GABRR3: variants seen among roughly 807,000 people sequenced by gnomAD.
GABRR3 encodes gamma-aminobutyric acid receptor subunit rho-3.
Under a neutral mutation model 43.2 loss-of-function variants are expected in GABRR3, and 29 were observed. The ratio of observed to expected loss-of-function variants is 0.67; its 90% confidence interval spans 0.50 to 0.92. The LOEUF is 0.92. Ranked by LOEUF, GABRR3 falls within the 40% of genes least tolerant of loss-of-function variation. GABRR3 has a pLI of 0.00. For synonymous variants in GABRR3, 206 were observed against 195.9 expected (o/e 1.05, Z -0.43); for missense variants, 576 against 572.3 (o/e 1.01, Z -0.07).
At chr3:98,001,463 A>T (rs367784174) in intron 8 of GABRR3, 152 bp downstream of exon 8, 1 of 752,182 alleles carries the variant, frequency 1.3e-6, no homozygotes, top group Non-Finnish European at 2.1e-6. Context: ...GCCCTTGAGG[A>T]TGTCAAGATC....
At position 98,023,331 on chromosome 3, in the gene GABRR3, G is replaced by C. The variant is rs993464157; in HGVS notation, c.238+2236C>G. On this transcript the variant is annotated intron_variant, in intron 3 of 9. Coordinates refer to ENST00000621172, the Ensembl canonical transcript of GABRR3. ...GAGAAATCTAACCTGACATGAATTA[G>C]GGCAGGTTTTTGAATTCGTGTTGAA... Among the ~76,000 whole-genome samples the C allele has an allele frequency of 5.9e-5, 9 of 152,138 alleles. No individual in the cohort carries two copies. In the South Asian group the frequency reaches 1.9e-3, roughly 32 times the overall value.
intron 3 of GABRR3, among the ~76,000 whole-genome samples, chr3:98,020,607 A>G (rs1339434037): frequency 6.6e-6 from 1 of 152,100 alleles, no homozygotes; most frequent in African/African-American, 2.4e-5. Context: ...GCCTGGGGAC[A>G]GTCTTGTAAA....
chr3:98,025,479 A>T, intron 3 of GABRR3, 88 bp downstream of exon 3: 1 of 774,680 alleles, frequency 1.3e-6, no homozygotes, highest in Non-Finnish European at 2.0e-6. Flanking sequence ...GATGGACTTT[A>T]CTTGCATTTT....
At chr3:97,989,429 G>T (rs1706433463) in intron 9 of GABRR3, among the ~76,000 whole-genome samples, 1 of 148,044 alleles carries the variant, frequency 6.8e-6, no homozygotes, top group South Asian at 2.2e-4. Flanking sequence ...GTGGTTAGTG[G>T]TGAGTAGTGG....
At chr3:98,001,594 T>C in intron 8 of GABRR3, 21 bp downstream of exon 8, 4 of 1,611,876 alleles carry the variant, frequency 2.5e-6, no homozygotes, top group Non-Finnish European at 3.4e-6. Context: ...TAACATTTTA[T>C]AAAGATGGGG....
At chr3:97,986,764 A>T in exon 10 of GABRR3, 1 of 1,605,450 alleles carries the variant, frequency 6.2e-7, no homozygotes, top group Non-Finnish European at 8.5e-7. Context: ...TGTCAATGAC[A>T]TGGTTGTTTT....
exon 9 of GABRR3, chr3:97,993,037 C>A (rs776057175): frequency 6.2e-7 from 1 of 1,600,430 alleles, no homozygotes; most frequent in East Asian, 2.2e-5. Flanking sequence ...ATGGTCAGCA[C>A]TGTGGTGATT....
At chr3:97,989,625 A>G (rs1250258008) in intron 9 of GABRR3, among the ~76,000 whole-genome samples, 1 of 151,972 alleles carries the variant, frequency 6.6e-6, no homozygotes, top group Non-Finnish European at 1.5e-5. Context: ...GCCCTTTCTC[A>G]TCATCCTTTG....
chr3:98,032,676 G>A (rs1030018010), intron 2 of GABRR3, among the ~76,000 whole-genome samples: 1 of 152,068 alleles, frequency 6.6e-6, no homozygotes, highest in Non-Finnish European at 1.5e-5. Context: ...TTTAGGTTTT[G>A]AAAGAAGGGA....
At chr3:98,013,647 A>G (rs1399997949) in intron 4 of GABRR3, among the ~76,000 whole-genome samples, 2 of 152,226 alleles carry the variant, frequency 1.3e-5, no homozygotes, top group Admixed American at 1.3e-4. Context: ...CCAATTAATT[A>G]TGAGCTAGTT....
intron 3 of GABRR3, among the ~76,000 whole-genome samples, chr3:98,019,744 C>A (rs1199198163): frequency 2.0e-5 from 3 of 152,052 alleles, no homozygotes; most frequent in Non-Finnish European, 2.9e-5. Context: ...TGTCACCATG[C>A]CCAGCTAATT....
At chr3:97,999,595 G>A (rs1706604990) in intron 8 of GABRR3, 1 of 151,942 alleles carries the variant, frequency 6.6e-6, no homozygotes, top group Admixed American at 6.6e-5. Flanking sequence ...AGAAAAAGCA[G>A]GAAAGAGAAA....
At chr3:98,011,606 G>T (rs1389682326) in intron 5 of GABRR3, among the ~76,000 whole-genome samples, 2 of 136,860 alleles carry the variant, frequency 1.5e-5, no homozygotes, top group African/African-American at 5.0e-5. Context: ...ACGTCTGCAA[G>T]GATTTTTTTT....
intron 3 of GABRR3, among the ~76,000 whole-genome samples, chr3:98,021,850 T>C (rs970829500): frequency 1.1e-4 from 16 of 152,344 alleles, no homozygotes; most frequent in Admixed American, 8.5e-4. Context: ...GTTATACATC[T>C]GATTTGTATA....
At chr3:97,987,006 G>A in intron 9 of GABRR3, 24 bp from the exon 10 acceptor site, 3 of 1,464,118 alleles carry the variant, frequency 2.0e-6, no homozygotes, top group Non-Finnish European at 2.8e-6. Flanking sequence ...TTTTTTTAAA[G>A]TAGGTCTTGA....
At chr3:97,994,022 T>C (rs1706505112) in intron 8 of GABRR3, among the ~76,000 whole-genome samples, 1 of 152,242 alleles carries the variant, frequency 6.6e-6, no homozygotes, top group African/African-American at 2.4e-5. Context: ...AAGTATACAA[T>C]TGTAAATATT....
intron 9 of GABRR3, among the ~76,000 whole-genome samples, chr3:97,987,357 A>T (rs867793383): frequency 6.6e-6 from 1 of 152,220 alleles, no homozygotes; most frequent in African/African-American, 2.4e-5. Context: ...ATTTTTCTGA[A>T]GGAGCAAATT....
chr3:98,001,098 C>T (rs1162118183), intron 8 of GABRR3: 1 of 152,800 alleles, frequency 6.5e-6, no homozygotes, highest in Non-Finnish European at 1.5e-5. Flanking sequence ...TGATTTTGGT[C>T]TTTTAGTTAA....
At chr3:98,002,133 C>T (rs1035372689) in intron 7 of GABRR3, among the ~76,000 whole-genome samples, 3 of 151,990 alleles carry the variant, frequency 2.0e-5, no homozygotes, top group Non-Finnish European at 4.4e-5. Context: ...ACCAATAAAC[C>T]ATTTATTAGC....
Sources: allele counts gnomAD v4.1 joint callset (sites outside exome capture counted in the v4.1 genomes callset), GRCh38; gene constraint gnomAD v4.1.1; transcripts MANE v1.5; gene names NCBI Gene and HGNC (gene_info 2026-07-23, HGNC 2026-07-21).